Variants in FHIT observed in about 807,000 individuals in gnomAD.
FHIT encodes the protein fragile histidine triad diadenosine triphosphatase.
Under a neutral mutation model 17.9 loss-of-function variants are expected in FHIT, and 19 were observed. The ratio of observed to expected loss-of-function variants is 1.06; its 90% confidence interval spans 0.74 to 1.56. The LOEUF (loss-of-function observed/expected upper bound fraction) is 1.56, where lower values mean the gene tolerates loss of function less well. FHIT is among the 40% of genes most tolerant of loss of function. The probability of loss-of-function intolerance (pLI) is 0.00; values close to 1 mark genes in which losing one functional copy is unlikely to be tolerated. For missense variants in FHIT, 248 were observed against 189.2 expected (o/e 1.31, Z -1.82); for synonymous variants, 81 against 69.7 (o/e 1.16, Z -0.81).
At chr3:60,518,753 A>G (rs757053338) in intron 5 of FHIT, among the ~76,000 whole-genome samples, 4 of 152,240 alleles carry the variant, frequency 2.6e-5, no homozygotes, top group Non-Finnish European at 5.9e-5. Context: ...TCATGCCTGT[A>G]ATCCAAGCAC....
chr3:61,174,546 T>C (rs1018668670), intron 2 of FHIT, among the ~76,000 whole-genome samples: 18 of 152,222 alleles, frequency 1.2e-4, no homozygotes, highest in African/African-American at 4.1e-4. Flanking sequence ...CATGATTCCA[T>C]CTTTATGGCC....
intron 4 of FHIT, among the ~76,000 whole-genome samples, chr3:60,742,096 G>T (rs374124636): frequency 6.6e-6 from 1 of 152,164 alleles, no homozygotes; most frequent in Non-Finnish European, 1.5e-5. Context: ...CTCTGAGCTT[G>T]TTTCCTCATC....
At chr3:60,231,032 T>C (rs538048320) in intron 5 of FHIT, among the ~76,000 whole-genome samples, 1 of 152,326 alleles carries the variant, frequency 6.6e-6, no homozygotes, top group East Asian at 1.9e-4. Context: ...ACCATTCTAA[T>C]GTGAGCAGAC....
chr3:60,196,821 T>G (rs1576292472), intron 5 of FHIT, among the ~76,000 whole-genome samples: 1 of 142,652 alleles, frequency 7.0e-6, no homozygotes, highest in South Asian at 2.4e-4. Flanking sequence ...AGTAAATGTT[T>G]TATTTGTAAA....
chr3:60,484,402 C>A (rs1054369656), intron 5 of FHIT, among the ~76,000 whole-genome samples: 1 of 152,152 alleles, frequency 6.6e-6, no homozygotes, highest in Non-Finnish European at 1.5e-5. Flanking sequence ...AGGTATCAGG[C>A]TACCTGGCTT....
chr3:60,282,432 G>A lies in FHIT; in HGVS notation c.103+254428C>T, dbSNP rs577995770. ...GCAATAAAGGGATTACTAGTTACCAGGGATCCAATATAGTTTCTTAGGGCA... is the reference window on the plus strand; with the variant it reads ...GCAATAAAGGGATTACTAGTTACCAAGGATCCAATATAGTTTCTTAGGGCA... On this transcript the variant is annotated intron_variant, in intron 5 of 9. Transcript: ENST00000492590. Among the ~76,000 whole-genome samples, 22 of 152,244 alleles carry A rather than the reference G, an allele frequency of 1.4e-4. No individual in the cohort carries two copies. In the South Asian group the frequency reaches 3.1e-3, roughly 22 times the overall value.
At chr3:61,212,626 C>A (rs139944506) in intron 1 of FHIT, among the ~76,000 whole-genome samples, 11,339 of 152,192 alleles carry the variant, frequency 0.075, 1,091 homozygotes, top group East Asian at 0.4. Context: ...GGCAGGCCAA[C>A]ATTCAGCTTC....
intron 2 of FHIT, among the ~76,000 whole-genome samples, chr3:61,164,233 C>A (rs2037772776): frequency 6.6e-6 from 1 of 152,100 alleles, no homozygotes; most frequent in African/African-American, 2.4e-5. Flanking sequence ...GTCCTAAAAT[C>A]CAAAAGAACC....
chr3:60,140,899 C>T (rs1181275444), intron 5 of FHIT, among the ~76,000 whole-genome samples: 1 of 152,040 alleles, frequency 6.6e-6, no homozygotes, highest in Non-Finnish European at 1.5e-5. Flanking sequence ...AGACTCTTAA[C>T]AACACTGAGT....
intron 8 of FHIT, among the ~76,000 whole-genome samples, chr3:59,889,266 C>T (rs1362285613): frequency 4.6e-5 from 7 of 152,190 alleles, no homozygotes; most frequent in Non-Finnish European, 1.0e-4. Flanking sequence ...GCAGTCCAGC[C>T]TTTCTAATTC....
intron 5 of FHIT, among the ~76,000 whole-genome samples, chr3:60,054,796 T>C (rs148431177): frequency 9.7e-4 from 148 of 152,326 alleles, no homozygotes; most frequent in African/African-American, 2.8e-3. Context: ...TTCAGATCTC[T>C]TTCTACACTA....
intron 5 of FHIT, among the ~76,000 whole-genome samples, chr3:60,358,439 A>G (rs956040239): frequency 5.3e-5 from 8 of 150,502 alleles, no homozygotes; most frequent in African/African-American, 1.9e-4. Context: ...AAGAAAACAA[A>G]ACCACTCTAT....
chr3:59,910,018 A>C (rs577541433), intron 8 of FHIT, among the ~76,000 whole-genome samples: 8 of 152,148 alleles, frequency 5.3e-5, no homozygotes, highest in Non-Finnish European at 1.2e-4. Flanking sequence ...TTATATCCCA[A>C]TGTATTTTTT....
chr3:60,560,158 T>C, intron 4 of FHIT, among the ~76,000 whole-genome samples: 1 of 152,138 alleles, frequency 6.6e-6, no homozygotes, highest in South Asian at 2.1e-4. Context: ...GGGGCAATTT[T>C]CTTCCCTTAT....
At chr3:61,133,350 A>G (rs1235153186) in intron 2 of FHIT, among the ~76,000 whole-genome samples, 1 of 152,254 alleles carries the variant, frequency 6.6e-6, no homozygotes, top group African/African-American at 2.4e-5. Flanking sequence ...CTCAAAAACT[A>G]TATTTTGGAA....
At chr3:59,765,452 A>G (rs1381256287) in intron 8 of FHIT, among the ~76,000 whole-genome samples, 1 of 152,234 alleles carries the variant, frequency 6.6e-6, no homozygotes, top group Non-Finnish European at 1.5e-5. Context: ...ATCTTACTGC[A>G]GTACTGCTAG....
At position 60,754,545 on chromosome 3, in the gene FHIT, G is replaced by C. The variant is rs376611155; in HGVS notation, c.-18+67374C>G. On this transcript the variant is annotated intron_variant, in intron 4 of 9. Transcript: ENST00000492590. Reference sequence around the variant, plus strand: ...ATTTGGGAGGCTGAAGCAGGAGAATGGCTTGAACACAGGAGGCAGAGGTTG... The same window carrying C: ...ATTTGGGAGGCTGAAGCAGGAGAATCGCTTGAACACAGGAGGCAGAGGTTG... Among the ~76,000 whole-genome samples, 55 of 152,174 alleles carry C rather than the reference G, an allele frequency of 3.6e-4. No individual in the cohort carries two copies. The South Asian group carries it at 8.9e-3, about 25-fold the overall frequency.
chr3:59,752,322 CTTTGG>C lies in FHIT; in HGVS notation c.349-6_349-2del. ...AGTCCTCCTTGTCATGTTTCTGGAG[CTTTGG>C]AGAAAAAAAAAGGAAGAGGCTCTTT... On this transcript the variant is annotated splice_acceptor_variant and splice_polypyrimidine_tract_variant and intron_variant, in intron 8 of 9. Coordinates refer to ENST00000492590, the MANE Select transcript of FHIT (RefSeq NM_002012.4). LOFTEE classifies it high-confidence loss of function. 6.2e-7 allele frequency: 1 copy of C among 1,605,448 alleles called. No homozygotes were observed. Among genetic ancestry groups the C allele is most frequent in the Admixed American group, 1.7e-5 (1 of 58,714 alleles).
intron 8 of FHIT, among the ~76,000 whole-genome samples, chr3:59,854,809 GA>G (rs75094536): frequency 6.6e-6 from 1 of 151,966 alleles, no homozygotes; most frequent in Non-Finnish European, 1.5e-5. Flanking sequence ...TGAGCAGAGA[GA>G]GAGGAGCCAG....
Sources: gnomAD v4.1 joint callset for allele counts (sites outside exome capture counted in the v4.1 genomes callset) on GRCh38, gnomAD v4.1.1 for gene constraint, MANE v1.5 for transcripts, NCBI Gene and HGNC (gene_info 2026-07-23, HGNC 2026-07-21) for gene names.